The following CMIP variants were observed in gnomAD, a reference collection of about 807,000 sequenced individuals.
The protein encoded by CMIP is C-Maf-inducing protein.
Under a neutral mutation model 97.3 loss-of-function variants are expected in CMIP, and 13 were observed. The ratio of observed to expected loss-of-function variants is 0.13; its 90% CI spans 0.09 to 0.21. The LOEUF is 0.21. Among genes scored for constraint, CMIP ranks in the 10% least tolerant of loss-of-function variants. The pLI, the probability that CMIP is intolerant of heterozygous loss-of-function variation, is 1.00. For synonymous variants in CMIP, 538 were observed against 436.3 expected (o/e 1.23, Z -2.91); for missense variants, 847 against 1,024.9 (o/e 0.83, Z 2.37).
chr16:81,624,467 C>T (rs1165128373), intron 3 of CMIP, among the ~76,000 whole-genome samples: 3 of 146,670 alleles, frequency 2.0e-5, no homozygotes, highest in African/African-American at 2.6e-5. Context: ...CCAGCCTGGG[C>T]GAAAGTGCGA....
intron 1 of CMIP, among the ~76,000 whole-genome samples, chr16:81,484,308 G>C (rs117682944): frequency 0.042 from 6,334 of 152,310 alleles, 166 homozygotes; most frequent in Non-Finnish European, 0.062. Flanking sequence ...GTTCTGGGAG[G>C]CACGGGAAGC....
At chr16:81,455,754 C>G (rs1475705235) in intron 1 of CMIP, among the ~76,000 whole-genome samples, 3 of 152,164 alleles carry the variant, frequency 2.0e-5, no homozygotes, top group African/African-American at 7.2e-5. Flanking sequence ...TCCTGGTGGG[C>G]TTTCCACTAG....
intron 17 of CMIP, among the ~76,000 whole-genome samples, chr16:81,703,193 A>G (rs1329062680): frequency 1.3e-5 from 2 of 152,072 alleles, no homozygotes; most frequent in Non-Finnish European, 2.9e-5. Flanking sequence ...CTTCCTCTTA[A>G]GAAACTTCCT....
intron 1 of CMIP, among the ~76,000 whole-genome samples, chr16:81,604,041 A>G (rs1399710642): frequency 6.6e-6 from 1 of 152,200 alleles, no homozygotes; most frequent in Non-Finnish European, 1.5e-5. Context: ...TGGTCCTAAA[A>G]AGTCTGCTTT....
chr16:81,670,036 G>C lies in CMIP; in HGVS notation c.826-106G>C. The C allele has an allele frequency of 4.7e-6, 5 of 1,072,926 alleles. No homozygotes were observed. In the South Asian group the frequency reaches 7.8e-5, roughly 17 times the overall value. The allele number at this position is 1,072,926 out of a possible 1,614,324, so 66.5% of individuals were successfully genotyped here. A position where few individuals can be genotyped will look rare whatever the true frequency, so the allele number is the denominator to read the frequency against. On this transcript the variant is annotated intron_variant, in intron 7 of 20. Transcript: ENST00000537098. ...CTCCCCATTGCCTTCCACATCAACA[G>C]CTCCAGGCAGAGCTCGGTCCCGCCC...
chr16:81,573,073 G>A (rs190626122), intron 1 of CMIP, among the ~76,000 whole-genome samples: 9 of 152,392 alleles, frequency 5.9e-5, no homozygotes, highest in Admixed American at 2.6e-4. Context: ...ACCAGGTGCA[G>A]TAGCTCATGC....
intron 10 of CMIP, among the ~76,000 whole-genome samples, chr16:81,691,253 G>A (rs911931338): frequency 3.9e-5 from 6 of 152,294 alleles, no homozygotes; most frequent in African/African-American, 1.4e-4. Context: ...CTCCTGGCTT[G>A]CAGATGGCTG....
intron 1 of CMIP, among the ~76,000 whole-genome samples, chr16:81,454,457 G>A (rs902152912): frequency 6.6e-6 from 1 of 152,198 alleles, no homozygotes; most frequent in Non-Finnish European, 1.5e-5. Context: ...AGAAATAAGT[G>A]AGCTTTTCAG....
Position 81,678,488 on chromosome 16 carries a change from G to T in CMIP, c.1248G>T (p.Leu416=). 3 of 1,597,990 alleles carry T rather than the reference G, an allele frequency of 1.9e-6. No homozygotes were observed. Among genetic ancestry groups the T allele is most frequent in the Non-Finnish European group, 2.6e-6 (3 of 1,173,210 alleles). ...GCACCAGCACTGCCAAGCCGGCGCTGACGGCCAGCGCAGGCAACGACAGCG... is the reference window on the plus strand; with the variant it reads ...GCACCAGCACTGCCAAGCCGGCGCTTACGGCCAGCGCAGGCAACGACAGCG... ...VERTSTAKPA[L]TASAGNDSEP... The change falls in exon 10 of 21, where the codon CTG becomes CTT. Residue 416 remains leucine, a synonymous_variant. Transcript: ENST00000537098.
At chr16:81,640,908 G>A (rs934198638) in intron 3 of CMIP, among the ~76,000 whole-genome samples, 3 of 152,072 alleles carry the variant, frequency 2.0e-5, no homozygotes, top group East Asian at 1.9e-4. Context: ...CACAGATACC[G>A]GGCTTAGGAC....
At chr16:81,599,845 T>C (rs1273540553) in intron 1 of CMIP, among the ~76,000 whole-genome samples, 1 of 152,194 alleles carries the variant, frequency 6.6e-6, no homozygotes, top group Non-Finnish European at 1.5e-5. Flanking sequence ...TGAGGGATTA[T>C]ATATAAAGCT....
chr16:81,457,807 C>T (rs920263488), intron 1 of CMIP, among the ~76,000 whole-genome samples: 1 of 152,204 alleles, frequency 6.6e-6, no homozygotes, highest in African/African-American at 2.4e-5. Flanking sequence ...AATGTGGGGG[C>T]CTTAGGAGCC....
intron 1 of CMIP, among the ~76,000 whole-genome samples, chr16:81,605,558 C>T (rs1457510463): frequency 1.3e-5 from 2 of 152,226 alleles, no homozygotes; most frequent in African/African-American, 2.4e-5. Flanking sequence ...ACCAGCCTCT[C>T]CAGGAGTGAC....
chr16:81,649,459 A>C (rs2092402683), intron 3 of CMIP, among the ~76,000 whole-genome samples: 1 of 152,234 alleles, frequency 6.6e-6, no homozygotes. Context: ...CTGTGTGTGG[A>C]GAACAGGAGA....
At chr16:81,481,082 G>A (rs1908232089) in intron 1 of CMIP, among the ~76,000 whole-genome samples, 2 of 152,246 alleles carry the variant, frequency 1.3e-5, no homozygotes, top group South Asian at 4.1e-4. Flanking sequence ...TCCCTCAGCT[G>A]CACATGGTTT....
chr16:81,484,767 C>T (rs952363176), intron 1 of CMIP, among the ~76,000 whole-genome samples: 5 of 152,098 alleles, frequency 3.3e-5, no homozygotes, highest in East Asian at 1.9e-4. Context: ...GCTTCTGAAA[C>T]GAGTGTGGGG....
chr16:81,691,621 T>C (rs778490331), intron 10 of CMIP, 154 bp from the exon 11 acceptor site: 2 of 668,328 alleles, frequency 3.0e-6, no homozygotes, highest in Non-Finnish European at 5.5e-6. Context: ...AACATTGACT[T>C]GCTCATCCTG....
chr16:81,696,185 C>T (rs1465256965), intron 13 of CMIP: 2 of 308,758 alleles, frequency 6.5e-6, no homozygotes, highest in African/African-American at 4.5e-5. Flanking sequence ...CAGAGGAAGG[C>T]ATAGCAGAAG....
intron 1 of CMIP, among the ~76,000 whole-genome samples, chr16:81,499,392 G>C (rs780004899): frequency 2.0e-5 from 3 of 152,160 alleles, no homozygotes; most frequent in Non-Finnish European, 4.4e-5. Context: ...CCAATCTCCA[G>C]CTCCCTTTCA....
Sources: allele counts gnomAD v4.1 joint callset (sites outside exome capture counted in the v4.1 genomes callset), GRCh38; gene constraint gnomAD v4.1.1; transcripts MANE v1.5; gene names NCBI Gene and HGNC (gene_info 2026-07-23, HGNC 2026-07-21).